SRP72: variants seen among roughly 807,000 people sequenced by gnomAD.
The protein encoded by SRP72 is signal recognition particle subunit SRP72.
SRP72 carries 49 observed loss-of-function variants against 96.3 expected under a neutral mutation model. The ratio of observed to expected loss-of-function variants is 0.51; its 90% CI spans 0.40 to 0.65. The LOEUF (loss-of-function observed/expected upper bound fraction) is 0.65. Among genes scored for constraint, SRP72 ranks in the 30% least tolerant of loss-of-function variants. The pLI is 0.00. For synonymous variants in SRP72, 267 were observed against 275.2 expected, an observed-to-expected ratio of 0.97 and a Z score of 0.30; for missense variants, 736 against 793.3, an observed-to-expected ratio of 0.93 and a Z score of 0.87.
intron 3 of SRP72, 46 bp downstream of exon 3, chr4:56,471,889 C>T: frequency 1.2e-6 from 2 of 1,605,902 alleles, no homozygotes. Context: ...ACTGAGTGAG[C>T]ATGACTACCT....
intron 16 of SRP72, among the ~76,000 whole-genome samples, chr4:56,492,915 T>C (rs946854408): frequency 2.0e-5 from 3 of 152,146 alleles, no homozygotes; most frequent in Admixed American, 1.3e-4. Flanking sequence ...AGCCCAGGAG[T>C]TTGAGGCTCC....
chr4:56,494,436 G>A lies in SRP72; in HGVS notation c.1641-921G>A, dbSNP rs552417992. On this transcript the variant is annotated intron_variant, in intron 16 of 18. Transcript: ENST00000642900. ...TTTTTTTTTTTTGAGACGGAGTCTT[G>A]CTCCATCGCTCAGGCTGGAGTGCAG... 9.1e-4 allele frequency among the ~76,000 whole-genome samples: 121 copies of A among 133,060 alleles called. 1 individual carries two copies. Among genetic ancestry groups the A allele is most frequent in the African/African-American group, 3.5e-3 (120 of 34,322 alleles). 87.3% of individuals were successfully genotyped at this position (133,060 alleles called of 152,430 possible).
chr4:56,501,896 A>C lies in SRP72; in HGVS notation c.*35A>C, dbSNP rs748644540. The C allele has an allele frequency of 1.2e-6, 2 of 1,605,602 alleles. No individual in the cohort carries two copies. The highest frequency in any genetic ancestry group is 1.7e-6 in the Non-Finnish European group (2 of 1,172,550). On this transcript the variant is annotated 3_prime_UTR_variant, in exon 19 of 19. Coordinates refer to ENST00000642900, the MANE Select transcript of SRP72 (RefSeq NM_006947.4). ...TCTTGTTGCAGGCTGTTTTTAAACT[A>C]GTGTCAGTGACACTAGGAATATAAT...
At chr4:56,496,697 C>G (rs919860615) in intron 17 of SRP72, among the ~76,000 whole-genome samples, 6 of 152,062 alleles carry the variant, frequency 3.9e-5, no homozygotes, top group African/African-American at 1.2e-4. Context: ...GCCCAAAATT[C>G]ATGCTCCCGG....
chr4:56,472,191 G>A (rs1351094676), intron 3 of SRP72, among the ~76,000 whole-genome samples: 1 of 152,074 alleles, frequency 6.6e-6, no homozygotes, highest in Non-Finnish European at 1.5e-5. Context: ...AGGATGTCAT[G>A]ATAGATAAGA....
At chr4:56,471,901 T>A in intron 3 of SRP72, 58 bp downstream of exon 3, 4 of 1,598,150 alleles carry the variant, frequency 2.5e-6, no homozygotes, top group Non-Finnish European at 3.4e-6. Flanking sequence ...TGACTACCTC[T>A]AGCAAGGAGC....
At chr4:56,485,733 CG>C (rs1391447027) in intron 10 of SRP72, among the ~76,000 whole-genome samples, 2 of 151,816 alleles carry the variant, frequency 1.3e-5, no homozygotes, top group Non-Finnish European at 2.9e-5. Flanking sequence ...ACCTGGCAGG[CG>C]GAGTTGCAGT....
intron 5 of SRP72, 174 bp downstream of exon 5, chr4:56,474,565 A>G: frequency 3.1e-6 from 2 of 636,868 alleles, no homozygotes. Context: ...ATGGAGTGGG[A>G]CAGAATCTTA....
At chr4:56,485,884 C>A (rs896869368) in intron 10 of SRP72, among the ~76,000 whole-genome samples, 2 of 152,024 alleles carry the variant, frequency 1.3e-5, no homozygotes, top group African/African-American at 4.8e-5. Flanking sequence ...TCATTACTCC[C>A]TAGATAATAT....
Position 56,495,367 on chromosome 4 carries a change from T to G in SRP72, c.1651T>G (p.Leu551Val). Residue 551 changes from leucine to valine, a missense_variant, in exon 17 of 19, where the codon TTG (leucine) becomes GTG (valine). Transcript: ENST00000642900. ...SQPKEQGQGDLKKKKKKKKGK... is the reference protein window; with the variant it reads ...SQPKEQGQGDVKKKKKKKKGK... Reference sequence around the variant, plus strand: ...TTTTTCTCTTTGTAGACAGGGAGATTTGAAAAAGAAGAAAAAGAAAAAGAA... The same window carrying G: ...TTTTTCTCTTTGTAGACAGGGAGATGTGAAAAAGAAGAAAAAGAAAAAGAA... The G allele has an allele frequency of 1.3e-6, 2 of 1,497,216 alleles. No homozygotes were observed. Among genetic ancestry groups the G allele is most frequent in the South Asian group, 1.2e-5 (1 of 85,130 alleles). 92.7% of individuals were successfully genotyped at this position (1,497,216 alleles called of 1,614,324 possible).
intron 6 of SRP72, 97 bp downstream of exon 6, chr4:56,476,799 A>T: frequency 1.6e-6 from 2 of 1,246,012 alleles, no homozygotes; most frequent in Non-Finnish European, 2.3e-6. Flanking sequence ...TTTTTAGAAG[A>T]TGGCAATTCA....
chr4:56,495,719 A>G (rs1721054796), intron 17 of SRP72, among the ~76,000 whole-genome samples: 1 of 152,208 alleles, frequency 6.6e-6, no homozygotes, highest in African/African-American at 2.4e-5. Context: ...AAGTTCTTAG[A>G]GTGGTGCCTG....
intron 10 of SRP72, among the ~76,000 whole-genome samples, chr4:56,485,440 T>C (rs1414610458): frequency 6.6e-6 from 1 of 151,768 alleles, no homozygotes; most frequent in African/African-American, 2.4e-5. Context: ...GTAATCTTTA[T>C]TATAGTTGAC....
intron 11 of SRP72, among the ~76,000 whole-genome samples, 176 bp from the exon 12 acceptor site, chr4:56,487,773 A>G (rs558748272): frequency 2.0e-5 from 3 of 152,332 alleles, no homozygotes; most frequent in Admixed American, 6.5e-5. Context: ...TTATCTCTAA[A>G]TGAACAGAGT....
At chr4:56,474,764 A>G (rs1332179241) in intron 5 of SRP72, among the ~76,000 whole-genome samples, 50 of 152,080 alleles carry the variant, frequency 3.3e-4, no homozygotes, top group Admixed American at 3.2e-3. Context: ...GGCTCATTTC[A>G]CCCTCCGCCT....
rs1719787483 is a variant in SRP72, at chr4:56,467,682, G to A, written c.47G>A (p.Ser16Asn). 6.4e-7 allele frequency: 1 copy of A among 1,568,446 alleles called. No individual in the cohort carries two copies. Among genetic ancestry groups the A allele is most frequent in the Non-Finnish European group, 8.6e-7 (1 of 1,159,346 alleles). Reference sequence around the variant, plus strand: ...GGGGTGTCAGTACCTGCGCTGTGGAGTGAAGTGAACCGGTATGGCCAGAAC... The same window carrying A: ...GGGGTGTCAGTACCTGCGCTGTGGAATGAAGTGAACCGGTATGGCCAGAAC... ...SGGVSVPALW[S>N]EVNRYGQNGD... The change falls in exon 1 of 19, where the codon AGT (serine) becomes AAT (asparagine). Residue 16 changes from serine to asparagine, a missense_variant. Transcript: ENST00000642900.
chr4:56,479,593 G>C, intron 8 of SRP72, among the ~76,000 whole-genome samples: 1 of 145,726 alleles, frequency 6.9e-6, no homozygotes, highest in Admixed American at 7.0e-5. Context: ...TATAGCCCCA[G>C]ACAGTCCTCC....
chr4:56,488,831 G>A (rs1720809237), intron 12 of SRP72, among the ~76,000 whole-genome samples: 1 of 152,136 alleles, frequency 6.6e-6, no homozygotes, highest in Non-Finnish European at 1.5e-5. Flanking sequence ...CCTGTCCAGA[G>A]GTTTATCAGT....
intron 8 of SRP72, among the ~76,000 whole-genome samples, 179 bp from the exon 9 acceptor site, chr4:56,482,960 G>A (rs186327640): frequency 7.4e-4 from 112 of 152,264 alleles, no homozygotes; most frequent in Admixed American, 1.6e-3. Flanking sequence ...GATTCAAAAA[G>A]AGTAGATTTG....
Sources: allele counts gnomAD v4.1 joint callset (sites outside exome capture counted in the v4.1 genomes callset), GRCh38; gene constraint gnomAD v4.1.1; transcripts MANE v1.5; gene names NCBI Gene and HGNC (gene_info 2026-07-23, HGNC 2026-07-21).